TAF2: variants seen among roughly 807,000 people sequenced by gnomAD.
TAF2 encodes TATA-box binding protein associated factor 2.
Under a neutral mutation model 138.5 loss-of-function variants are expected in TAF2, and 61 were observed. The ratio of observed to expected loss-of-function variants is 0.44; its 90% CI spans 0.36 to 0.54. TAF2 has a LOEUF of 0.54. Among genes scored for constraint, TAF2 ranks in the 20% least tolerant of loss-of-function variants. The probability of loss-of-function intolerance (pLI) is 0.00; values close to 1 mark genes in which losing one functional copy is unlikely to be tolerated. For synonymous variants in TAF2, 475 were observed against 469.9 expected (o/e 1.01, Z -0.14); for missense variants, 1,090 against 1,427.9 (o/e 0.76, Z 3.81).
intron 25 of TAF2, among the ~76,000 whole-genome samples, chr8:119,734,540 T>C (rs1454819431): frequency 6.6e-6 from 1 of 152,170 alleles, no homozygotes; most frequent in Non-Finnish European, 1.5e-5. Context: ...TATATACTAC[T>C]CTAGGCTAAA....
At position 119,803,926 on chromosome 8, in the gene TAF2, G is replaced by A. The variant is rs901743510; in HGVS notation, c.512C>T (p.Ala171Val). The change falls in exon 5 of 26, where the codon GCA becomes GTA. Residue 171 changes from alanine to valine, a missense_variant. Physicochemically the swap from Ala to Val is moderately conservative, Grantham distance 64. Coordinates refer to ENST00000378164, the MANE Select transcript of TAF2 (RefSeq NM_003184.4). Reference sequence around the variant, plus strand: ...AGAGAAAACATGAGCACCTCTCTCTGCCATACTTCCCTCTACACTGGGTAC... The same window carrying A: ...AGAGAAAACATGAGCACCTCTCTCTACCATACTTCCCTCTACACTGGGTAC... ...FVVPSVEGSM[A>V]ERGAHVFSCG... 2 of 1,613,884 alleles carry A rather than the reference G, an allele frequency of 1.2e-6. No homozygotes were observed. The highest frequency in any genetic ancestry group is 2.7e-5 in the African/African-American group (2 of 74,890).
chr8:119,818,320 C>G (rs1825607757), intron 3 of TAF2, among the ~76,000 whole-genome samples: 1 of 152,176 alleles, frequency 6.6e-6, no homozygotes, highest in African/African-American at 2.4e-5. Flanking sequence ...GGGAATCACA[C>G]TTTAAGAACT....
At chr8:119,800,106 T>A (rs528958220) in intron 6 of TAF2, among the ~76,000 whole-genome samples, 2 of 152,360 alleles carry the variant, frequency 1.3e-5, no homozygotes, top group African/African-American at 4.8e-5. Context: ...CTGTTCACTC[T>A]GATGGTAGTT....
rs147577004 is a variant in TAF2, at chr8:119,788,452, T to TA, written c.1684-6dup. On this transcript the variant is annotated splice_region_variant and splice_polypyrimidine_tract_variant and intron_variant, in intron 13 of 25. Coordinates refer to ENST00000378164, the MANE Select transcript of TAF2 (RefSeq NM_003184.4). ...CACTGTCACTTTAAGTGGTCCCTTT[T>TA]AAAAAAAAAACGTACTGTTCAGAGA... The TA allele has an allele frequency of 7.4e-3, 10,721 of 1,449,848 alleles. 31 individuals carry two copies. Among genetic ancestry groups the TA allele is most frequent in the African/African-American group, 0.036 (2,566 of 70,356 alleles). The allele number at this position is 1,449,848 out of a possible 1,614,324, so 89.8% of individuals were successfully genotyped here. A position where few individuals can be genotyped will look rare whatever the true frequency, so the allele number is the denominator to read the frequency against.
chr8:119,774,425 G>C (rs1030860914), intron 18 of TAF2, among the ~76,000 whole-genome samples: 2 of 151,570 alleles, frequency 1.3e-5, no homozygotes, highest in African/African-American at 4.8e-5. Flanking sequence ...ACACAGCCCA[G>C]AACAGCTATG....
intron 9 of TAF2, among the ~76,000 whole-genome samples, chr8:119,793,918 G>C (rs1321467494): frequency 1.3e-5 from 2 of 149,176 alleles, no homozygotes; most frequent in African/African-American, 5.0e-5. Context: ...AAAAAGGGGG[G>C]GTTGGGGGCA....
At chr8:119,781,720 G>A (rs1432024556) in intron 16 of TAF2, among the ~76,000 whole-genome samples, 1 of 151,268 alleles carries the variant, frequency 6.6e-6, no homozygotes, top group Non-Finnish European at 1.5e-5. Context: ...TTTGGAGATG[G>A]AGTCTCGTTC....
intron 1 of TAF2, 152 bp from the exon 2 acceptor site, chr8:119,831,883 T>C (rs1398474404): frequency 3.9e-6 from 2 of 512,632 alleles, no homozygotes; most frequent in Admixed American, 6.8e-5. Flanking sequence ...AATTGGGGCC[T>C]GGTGCGGTGG....
intron 17 of TAF2, 74 bp downstream of exon 17, chr8:119,780,979 T>A (rs1822608208): frequency 1.1e-4 from 126 of 1,099,972 alleles, no homozygotes; most frequent in Non-Finnish European, 1.5e-4. Flanking sequence ...AGTAAACACA[T>A]CTATTATTTG....
At chr8:119,769,850 C>T (rs1394658970) in intron 18 of TAF2, among the ~76,000 whole-genome samples, 3 of 151,702 alleles carry the variant, frequency 2.0e-5, no homozygotes, top group African/African-American at 4.8e-5. Context: ...CTCCGCCTCC[C>T]GGGTTCAAGC....
At chr8:119,809,088 A>G (rs1280539667) in intron 3 of TAF2, among the ~76,000 whole-genome samples, 3 of 152,232 alleles carry the variant, frequency 2.0e-5, no homozygotes. Context: ...ATCTTCTTCT[A>G]GTAGAAGGCT....
intron 19 of TAF2, among the ~76,000 whole-genome samples, 186 bp from the exon 20 acceptor site, chr8:119,760,924 T>A (rs1354106371): frequency 6.6e-6 from 1 of 152,228 alleles, no homozygotes; most frequent in Non-Finnish European, 1.5e-5. Context: ...GAACTGCATA[T>A]ACAATGGTGG....
chr8:119,734,653 G>T (rs1490608454), intron 25 of TAF2, among the ~76,000 whole-genome samples: 1 of 152,102 alleles, frequency 6.6e-6, no homozygotes, highest in African/African-American at 2.4e-5. Context: ...ATAAACATCA[G>T]AAACTATATT....
chr8:119,797,987 T>C (rs913766937), intron 6 of TAF2, 141 bp from the exon 7 acceptor site: 25 of 814,988 alleles, frequency 3.1e-5, no homozygotes, highest in Non-Finnish European at 4.4e-5. Flanking sequence ...GAAAATGTTG[T>C]GAAAATAGTG....
Position 119,732,071 on chromosome 8 carries a change from G to A in TAF2, c.3453C>T (p.His1151=), listed in dbSNP as rs1231381193. The stretch of plus-strand genomic sequence containing the variant: ...TCTTCTTCTTTTTCTTGTGCTCATG[G>A]TGATGGTGGTGATGGTGGTCACTGT... ...SKHSDHHHHH[H]HEHKKKKKKH... is the part of the protein sequence containing the mutation. Residue 1151 remains histidine (H), a synonymous_variant, in exon 26 of 26, where the codon CAC becomes CAT. Transcript: ENST00000378164. 3.7e-6 allele frequency: 6 copies of A among 1,614,104 alleles called. No homozygotes were observed. Among genetic ancestry groups the A allele is most frequent in the Non-Finnish European group, 5.1e-6 (6 of 1,179,980 alleles).
chr8:119,811,398 T>C (rs978869295), intron 3 of TAF2, among the ~76,000 whole-genome samples: 7 of 152,122 alleles, frequency 4.6e-5, no homozygotes, highest in Non-Finnish European at 8.8e-5. Context: ...AGTAAACTTT[T>C]ATGGAAGTAA....
chr8:119,785,550 C>A (rs1207186562), intron 14 of TAF2, among the ~76,000 whole-genome samples: 2 of 152,094 alleles, frequency 1.3e-5, no homozygotes, highest in Non-Finnish European at 2.9e-5. Context: ...GAACTGATAG[C>A]TGCAATTTTG....
chr8:119,734,647 A>G (rs1294656759), intron 25 of TAF2, among the ~76,000 whole-genome samples: 2 of 152,200 alleles, frequency 1.3e-5, no homozygotes, highest in Non-Finnish European at 2.9e-5. Flanking sequence ...CATTTAATAA[A>G]CATCAGAAAC....
chr8:119,777,965 A>G, intron 18 of TAF2, 54 bp downstream of exon 18: 1 of 958,262 alleles, frequency 1.0e-6, no homozygotes, highest in Non-Finnish European at 1.6e-6. Context: ...ATATTCATTA[A>G]GAAAATTATC....
Sources: gnomAD v4.1 joint callset for allele counts (sites outside exome capture counted in the v4.1 genomes callset) on GRCh38, gnomAD v4.1.1 for gene constraint, MANE v1.5 for transcripts, NCBI Gene and HGNC (gene_info 2026-07-23, HGNC 2026-07-21) for gene names.